The following SEPHS1 variants were observed in gnomAD, a reference collection of about 807,000 sequenced individuals.
The protein encoded by SEPHS1 is selenophosphate synthetase 1.
Under a neutral mutation model 39.2 loss-of-function variants are expected in SEPHS1, and 7 were observed. The ratio of observed to expected loss-of-function variants is 0.18; its 90% confidence interval spans 0.10 to 0.34. The LOEUF is 0.34. Among genes scored for constraint, SEPHS1 ranks in the 10% least tolerant of loss-of-function variants. The probability of loss-of-function intolerance (pLI) is 1.00; values close to 1 mark genes in which losing one functional copy is unlikely to be tolerated. For missense variants in SEPHS1, 253 were observed against 514.5 expected, an observed-to-expected ratio of 0.49 and a Z score of 4.92; for synonymous variants, 190 against 195.5, an observed-to-expected ratio of 0.97 and a Z score of 0.23.
At chr10:13,323,888 C>T (rs1389227622) in intron 7 of SEPHS1, among the ~76,000 whole-genome samples, 1 of 152,090 alleles carries the variant, frequency 6.6e-6, no homozygotes, top group Admixed American at 6.6e-5. Context: ...TGAGCCACTG[C>T]TCAATAATAT....
intron 2 of SEPHS1, 73 bp downstream of exon 2, chr10:13,344,685 T>C: frequency 1.8e-6 from 2 of 1,088,934 alleles, no homozygotes; most frequent in Non-Finnish European, 2.5e-6. Flanking sequence ...ATAGGCAACA[T>C]GGGAGGCGAG....
intron 8 of SEPHS1, among the ~76,000 whole-genome samples, chr10:13,319,902 G>A (rs912165847): frequency 2.6e-5 from 4 of 152,118 alleles, no homozygotes; most frequent in Non-Finnish European, 5.9e-5. Flanking sequence ...ACTGTGTAGG[G>A]GTAAGGTGTT....
At chr10:13,347,336 C>T (rs1356452456) in intron 1 of SEPHS1, 2 of 151,576 alleles carry the variant, frequency 1.3e-5, no homozygotes, top group African/African-American at 2.4e-5. Flanking sequence ...CGGAGGCGGC[C>T]GGGGAGGGGA....
Position 13,336,202 on chromosome 10 carries a change from G to A in SEPHS1, c.405+41C>T, listed in dbSNP as rs767206232. 9 of 1,416,408 alleles carry A rather than the reference G, an allele frequency of 6.4e-6. 1 individual carries two copies. In the Admixed American group the frequency reaches 1.2e-4, roughly 19 times the overall value. 87.7% of individuals were successfully genotyped at this position (1,416,408 alleles called of 1,614,324 possible). ...TAACCAAGGCCAGAGATGCCACCGG[G>A]ACAACACGGACCAGGCAGCAGCCGG... is the stretch of plus-strand genomic sequence containing the variant. On this transcript the variant is annotated intron_variant, in intron 4 of 8. Transcript: ENST00000327347.
Position 13,327,298 on chromosome 10 carries a change from T to C in SEPHS1, c.751+1053A>G, listed in dbSNP as rs140175905. Among the ~76,000 whole-genome samples the C allele has an allele frequency of 4.2e-5, 6 of 143,912 alleles. No individual in the cohort carries two copies. In the East Asian group the frequency reaches 7.9e-4, roughly 19 times the overall value. The allele number at this position is 143,912 out of a possible 152,430, so 94.4% of individuals were successfully genotyped here. A position where few individuals can be genotyped will look rare whatever the true frequency, so the allele number is the denominator to read the frequency against. ...CTAGGATACATAATATGGGAAACAT[T>C]AGTCATGTCAAAACAACAAAAGCAG... On this transcript the variant is annotated intron_variant, in intron 7 of 8. Transcript: ENST00000327347.
At chr10:13,335,215 G>T (rs1005709298) in intron 4 of SEPHS1, among the ~76,000 whole-genome samples, 1 of 152,210 alleles carries the variant, frequency 6.6e-6, no homozygotes, top group African/African-American at 2.4e-5. Context: ...ACACAGAGGC[G>T]TGAGCCCCTG....
At chr10:13,321,658 T>C (rs1026585989) in intron 8 of SEPHS1, among the ~76,000 whole-genome samples, 3 of 151,988 alleles carry the variant, frequency 2.0e-5, no homozygotes, top group Non-Finnish European at 2.9e-5. Context: ...ACTTAAAAGA[T>C]GAAAACAGTA....
At chr10:13,333,059 C>T (rs762400197) in intron 5 of SEPHS1, among the ~76,000 whole-genome samples, 31 of 152,148 alleles carry the variant, frequency 2.0e-4, no homozygotes, top group Non-Finnish European at 3.7e-4. Flanking sequence ...GGCTGTACAA[C>T]TCTGAGTATA....
chr10:13,317,635 G>A lies in SEPHS1; in HGVS notation c.*1507C>T, dbSNP rs1218543716. 6.6e-6 allele frequency: 1 copy of A among 152,220 alleles called. No individual in the cohort carries two copies. The highest frequency in any genetic ancestry group is 1.5e-5 in the Non-Finnish European group (1 of 68,060). The allele number at this position is 152,220 out of a possible 1,614,324, so 9.4% of individuals were successfully genotyped here. On this transcript the variant is annotated 3_prime_UTR_variant, in exon 9 of 9. Coordinates refer to ENST00000327347, the MANE Select transcript of SEPHS1 (RefSeq NM_012247.5). ...CCCTGCCCACTGGTTCCTGGAGGAGGGCGCGTCCGAGTTAAAGCCTCTTCC... is the reference window on the plus strand; with the variant it reads ...CCCTGCCCACTGGTTCCTGGAGGAGAGCGCGTCCGAGTTAAAGCCTCTTCC...
chr10:13,337,819 G>A (rs373754347), intron 3 of SEPHS1, among the ~76,000 whole-genome samples: 45 of 152,284 alleles, frequency 3.0e-4, no homozygotes, highest in African/African-American at 1.0e-3. Context: ...AGGAGAAAAC[G>A]GACAGATGTG....
intron 7 of SEPHS1, 60 bp downstream of exon 7, chr10:13,328,291 G>T: frequency 8.4e-7 from 1 of 1,192,148 alleles, no homozygotes; most frequent in Non-Finnish European, 1.2e-6. Flanking sequence ...GGCCAGAAAA[G>T]CCTAAGACAT....
At chr10:13,342,302 C>T (rs188086410) in intron 2 of SEPHS1, among the ~76,000 whole-genome samples, 651 of 138,920 alleles carry the variant, frequency 4.7e-3, no homozygotes, top group Non-Finnish European at 7.3e-3. Flanking sequence ...AACATACAGC[C>T]GGGTGCGGTG....
At chr10:13,325,213 A>T (rs971215957) in intron 7 of SEPHS1, among the ~76,000 whole-genome samples, 10 of 152,200 alleles carry the variant, frequency 6.6e-5, no homozygotes, top group Admixed American at 2.0e-4. Context: ...TGGTGTTATA[A>T]AGTCATCACC....
chr10:13,325,614 C>G (rs549704802), intron 7 of SEPHS1, among the ~76,000 whole-genome samples: 55 of 152,212 alleles, frequency 3.6e-4, no homozygotes, highest in African/African-American at 1.3e-3. Context: ...AACCTCTTTC[C>G]TTTATAAATT....
intron 6 of SEPHS1, among the ~76,000 whole-genome samples, 153 bp from the exon 7 acceptor site, chr10:13,328,603 G>GA (rs1302447913): frequency 1.3e-5 from 2 of 152,192 alleles, no homozygotes; most frequent in Non-Finnish European, 2.9e-5. Context: ...TTTTTCTGTG[G>GA]ATAGTATTTT....
At chr10:13,326,201 T>C (rs1833283920) in intron 7 of SEPHS1, among the ~76,000 whole-genome samples, 1 of 151,922 alleles carries the variant, frequency 6.6e-6, no homozygotes, top group Non-Finnish European at 1.5e-5. Flanking sequence ...CTAGGCCAGG[T>C]GCAGTGGCTC....
chr10:13,324,099 TC>T (rs1327774447), intron 7 of SEPHS1, among the ~76,000 whole-genome samples: 1 of 152,218 alleles, frequency 6.6e-6, no homozygotes, highest in Non-Finnish European at 1.5e-5. Context: ...CCCCTTCCTC[TC>T]CGATAACCTC....
intron 4 of SEPHS1, among the ~76,000 whole-genome samples, chr10:13,334,675 T>G (rs895723360): frequency 6.6e-5 from 10 of 152,268 alleles, no homozygotes; most frequent in African/African-American, 2.4e-4. Flanking sequence ...ATCACACCAC[T>G]GCACTCCAAC....
intron 7 of SEPHS1, among the ~76,000 whole-genome samples, chr10:13,326,810 G>C (rs1833310664): frequency 6.6e-6 from 1 of 152,100 alleles, no homozygotes; most frequent in Non-Finnish European, 1.5e-5. Flanking sequence ...CTGGATTATA[G>C]GTGTGAGCCA....
Sources: gnomAD v4.1 joint callset for allele counts (sites outside exome capture counted in the v4.1 genomes callset) on GRCh38, gnomAD v4.1.1 for gene constraint, MANE v1.5 for transcripts, NCBI Gene and HGNC (gene_info 2026-07-23, HGNC 2026-07-21) for gene names.